SNX31: variants seen among roughly 807,000 people sequenced by gnomAD.
SNX31 encodes the protein sorting nexin 31.
Under a neutral mutation model 65.4 loss-of-function variants are expected in SNX31, and 58 were observed. The ratio of observed to expected loss-of-function variants is 0.89; its 90% confidence interval spans 0.72 to 1.10. SNX31 has a LOEUF of 1.10. Ranked by LOEUF, SNX31 falls within the 50% of genes least tolerant of loss-of-function variation. The pLI is 0.00. For missense variants in SNX31, 523 were observed against 529.7 expected (o/e 0.99, Z 0.12); for synonymous variants, 181 against 190.1 (o/e 0.95, Z 0.39).
chr8:100,595,535 C>A (rs1011878717), intron 10 of SNX31, among the ~76,000 whole-genome samples: 15 of 152,136 alleles, frequency 9.9e-5, no homozygotes, highest in African/African-American at 3.6e-4. Flanking sequence ...GTAAGGGAGA[C>A]TTTTGAGGGA....
chr8:100,608,379 G>T (rs2130998661), intron 8 of SNX31, 115 bp downstream of exon 8: 2 of 867,914 alleles, frequency 2.3e-6, no homozygotes, highest in Non-Finnish European at 3.8e-6. Flanking sequence ...CTCTATGAAT[G>T]TGCCTGTTTT....
At chr8:100,651,218 A>G (rs1183558641), upstream of SNX31, among the ~76,000 whole-genome samples, 4 of 152,224 alleles carry the variant, frequency 2.6e-5, no homozygotes, top group East Asian at 1.9e-4. Context: ...TTTTCAGTCC[A>G]GGATAGATGG....
At chr8:100,633,184 C>T (rs929565844) in intron 3 of SNX31, among the ~76,000 whole-genome samples, 11 of 151,942 alleles carry the variant, frequency 7.2e-5, no homozygotes, top group Admixed American at 6.6e-5. Flanking sequence ...CTGCCTTAAC[C>T]TCCCAAAGTG....
At chr8:100,635,741 T>C (rs1466485444) in intron 3 of SNX31, among the ~76,000 whole-genome samples, 156 bp downstream of exon 3, 1 of 151,942 alleles carries the variant, frequency 6.6e-6, no homozygotes, top group Non-Finnish European at 1.5e-5. Flanking sequence ...CTTTTGGGGG[T>C]AGTGACAATA....
In SNX31 at chr8:100,617,666, A is replaced by G; in HGVS notation, c.386T>C (p.Ile129Thr). The change falls in exon 5 of 14, where the codon ATT becomes ACT. Residue 129 changes from isoleucine to threonine, a missense_variant. Transcript: ENST00000311812. Reference protein sequence around the residue: ...LDIFLPNEQSIRIEIITSDTA... With the variant: ...LDIFLPNEQSTRIEIITSDTA... ...GTCTGATGTTATAATTTCGATTCTA[A>G]TACTCTGTTCATTGGGCAGAAATAT... The G allele has an allele frequency of 6.2e-7, 1 of 1,613,370 alleles. No homozygotes were observed. Among genetic ancestry groups the G allele is most frequent in the Non-Finnish European group, 8.5e-7 (1 of 1,179,840 alleles).
At chr8:100,656,240 C>T (rs1820050431) in intron 1 of SNX31, among the ~76,000 whole-genome samples, 1 of 152,186 alleles carries the variant, frequency 6.6e-6, no homozygotes, top group Non-Finnish European at 1.5e-5. Context: ...CTTGGTCTCT[C>T]AAGTCACCTG....
At chr8:100,608,099 T>C (rs186119740) in intron 8 of SNX31, among the ~76,000 whole-genome samples, 1 of 152,380 alleles carries the variant, frequency 6.6e-6, no homozygotes, top group Admixed American at 6.5e-5. Flanking sequence ...ATTGTTACAA[T>C]GGAGATAGAA....
rs115043193 is a variant in SNX31, at chr8:100,634,777, T to C, written c.256+1120A>G. Among the ~76,000 whole-genome samples the C allele has an allele frequency of 3.7e-3, 491 of 132,260 alleles. 4 individuals are homozygous for C. Among genetic ancestry groups the C allele is most frequent in the African/African-American group, 0.014 (474 of 33,772 alleles). 86.8% of individuals were successfully genotyped at this position (132,260 alleles called of 152,430 possible). A position where few individuals can be genotyped will look rare whatever the true frequency, so the allele number is the denominator to read the frequency against. Reference sequence around the variant, plus strand: ...GTCTTAAAAAAAAAAAATTAAATATTGGGTGCAGTGGCTCATATCTATAAT... The same window carrying C: ...GTCTTAAAAAAAAAAAATTAAATATCGGGTGCAGTGGCTCATATCTATAAT... On this transcript the variant is annotated intron_variant, in intron 3 of 13. Coordinates refer to ENST00000311812, the MANE Select transcript of SNX31 (RefSeq NM_152628.4).
Position 100,594,756 on chromosome 8 carries a change from C to T in SNX31, c.978+1883G>A, listed in dbSNP as rs1036234670. ...TTCGGCAGTTTCTTTAAAAAGTAAA[C>T]ATGCAATTACCGTACGACCCAGCAA... On this transcript the variant is annotated intron_variant, in intron 10 of 13. Coordinates refer to ENST00000311812, the MANE Select transcript of SNX31 (RefSeq NM_152628.4). This position sits in a 1 kb window ranked among gnomAD's most constrained non-coding sequence, Gnocchi z 4.0. 1.3e-5 allele frequency among the ~76,000 whole-genome samples: 2 copies of T among 152,142 alleles called. No individual in the cohort carries two copies. The highest frequency in any genetic ancestry group is 1.9e-4 in the East Asian group (1 of 5,190).
At chr8:100,639,857 G>T (rs745472795) in intron 2 of SNX31, among the ~76,000 whole-genome samples, 24 of 152,090 alleles carry the variant, frequency 1.6e-4, no homozygotes, top group Non-Finnish European at 2.9e-4. Flanking sequence ...TATATAAGAT[G>T]GGCCTGGAGT....
chr8:100,583,676 A>G (rs1211362803), intron 12 of SNX31, among the ~76,000 whole-genome samples: 1 of 152,132 alleles, frequency 6.6e-6, no homozygotes, highest in Admixed American at 6.6e-5. Context: ...AGGCATTTTC[A>G]TTTGGCACAA....
In SNX31 at chr8:100,648,735, T is replaced by C. The variant is rs1349984944; in HGVS notation, c.141+539A>G. Among the ~76,000 whole-genome samples, 2 of 152,232 alleles carry C rather than the reference T, an allele frequency of 1.3e-5. No individual in the cohort carries two copies. Among genetic ancestry groups the C allele is most frequent in the African/African-American group, 4.8e-5 (2 of 41,456 alleles). On this transcript the variant is annotated intron_variant, in intron 2 of 13. Coordinates refer to ENST00000311812, the MANE Select transcript of SNX31 (RefSeq NM_152628.4). The surrounding 1 kb of genome is among the most constrained non-coding windows in gnomAD (Gnocchi z 4.3). ...AACTATCCTAGCTTGGTAAGTCATG[T>C]TCCCTGGTTCCCAGCCTGCCAGTAC...
chr8:100,630,227 G>T lies in SNX31; in HGVS notation c.321+100C>A. 2 of 1,038,418 alleles carry T rather than the reference G, an allele frequency of 1.9e-6. No homozygotes were observed. Among genetic ancestry groups the T allele is most frequent in the Non-Finnish European group, 2.9e-6 (2 of 700,688 alleles). 64.3% of individuals were successfully genotyped at this position (1,038,418 alleles called of 1,614,324 possible). On this transcript the variant is annotated intron_variant, in intron 4 of 13. Coordinates refer to ENST00000311812, the MANE Select transcript of SNX31 (RefSeq NM_152628.4). This position sits in a 1 kb window ranked among gnomAD's most constrained non-coding sequence, Gnocchi z 5.3. ...TTTTGTCCAAGTCCAGGCTCTGTGG[G>T]GCTGTGACCAGTGCACACATGTGTG...
At chr8:100,617,544 C>G in intron 5 of SNX31, 76 bp downstream of exon 5, 1 of 1,012,782 alleles carries the variant, frequency 9.9e-7, no homozygotes, top group Non-Finnish European at 1.5e-6. Context: ...GGAAGGTAAC[C>G]GTATCCCATT....
At chr8:100,650,269 G>A (rs1414751026), upstream of SNX31, among the ~76,000 whole-genome samples, 1 of 152,140 alleles carries the variant, frequency 6.6e-6, no homozygotes, top group African/African-American at 2.4e-5. Flanking sequence ...CCACCTTGCC[G>A]TGATCACAGA....
Position 100,617,570 on chromosome 8 carries a change from A to G in SNX31, c.432+50T>C, listed in dbSNP as rs1163453911. ...GTATCCCATTCTCTGCTTTCCAAAC[A>G]GAACCATCCCTAGATTCAGTTCTGG... On this transcript the variant is annotated intron_variant, in intron 5 of 13. Transcript: ENST00000311812. 3 of 1,316,248 alleles carry G rather than the reference A, an allele frequency of 2.3e-6. No individual in the cohort carries two copies. In the South Asian group the frequency reaches 3.7e-5, roughly 16 times the overall value. 81.5% of individuals were successfully genotyped at this position (1,316,248 alleles called of 1,614,324 possible).
intron 2 of SNX31, among the ~76,000 whole-genome samples, chr8:100,647,636 A>G (rs557255319): frequency 1.5e-4 from 23 of 152,312 alleles, no homozygotes; most frequent in Non-Finnish European, 3.1e-4. Context: ...GCTGACATCC[A>G]TAAGGACCCA....
intron 8 of SNX31, among the ~76,000 whole-genome samples, chr8:100,607,458 C>A (rs1816275411): frequency 6.6e-6 from 1 of 152,110 alleles, no homozygotes; most frequent in African/African-American, 2.4e-5. Flanking sequence ...TTATTAGAGG[C>A]TGGGGGTAGG....
At position 100,660,088 on chromosome 8, in the gene SNX31, A is replaced by G. The variant is rs1809758978; in HGVS notation, c.-58+3054T>C. 6.6e-6 allele frequency among the ~76,000 whole-genome samples: 1 copy of G among 152,250 alleles called. No homozygotes were observed. Among genetic ancestry groups the G allele is most frequent in the African/African-American group, 2.4e-5 (1 of 41,476 alleles). ...TTAAGATCACTCTTTGGCTGAAAGT[A>G]AATTATGCCAGTGAAATGATTTTGC... On this transcript the variant is annotated intron_variant, in intron 1 of 5. Coordinates refer to the SNX31 transcript ENST00000520352. This position sits in a 1 kb window ranked among gnomAD's most constrained non-coding sequence, Gnocchi z 4.1.
Sources: gnomAD v4.1 joint callset for allele counts (sites outside exome capture counted in the v4.1 genomes callset) on GRCh38, gnomAD v4.1.1 for gene constraint, Gnocchi (gnomAD v3.1) non-coding constraint, MANE v1.5 for transcripts, NCBI Gene and HGNC (gene_info 2026-07-23, HGNC 2026-07-21) for gene names.